The following MROH2B variants were observed in gnomAD, a reference collection of about 807,000 sequenced individuals.
MROH2B encodes the protein maestro heat like repeat family member 2B.
Under a neutral mutation model 208.6 loss-of-function variants are expected in MROH2B, and 177 were observed. That is an observed-to-expected ratio of 0.85 (90% confidence interval 0.75 to 0.96). The LOEUF (loss-of-function observed/expected upper bound fraction) is 0.96, where lower values mean the gene tolerates loss of function less well. Among genes scored for constraint, MROH2B ranks in the 40% least tolerant of loss-of-function variants. MROH2B has a pLI of 0.00. For synonymous variants in MROH2B, 728 were observed against 659.0 expected (o/e 1.10, Z -1.60); for missense variants, 2,002 against 1,878.7 (o/e 1.07, Z -1.21).
At chr5:40,998,996 T>A (rs896113) in intron 40 of MROH2B, among the ~76,000 whole-genome samples, 73,981 of 151,964 alleles carry the variant, frequency 0.49, 18,203 homozygotes, top group South Asian at 0.62. Flanking sequence ...CATAATGTGT[T>A]GGTGGGGGGA....
rs1742039697 is a variant in MROH2B at position 41,018,701 on chromosome 5, T to A, written c.2663A>T (p.Glu888Val). The A allele has an allele frequency of 6.2e-7, 1 of 1,613,790 alleles. No homozygotes were observed. Among genetic ancestry groups the A allele is most frequent in the Admixed American group, 1.7e-5 (1 of 59,964 alleles). ...GGAGGCTCTACTCACATTAAACATTTCTTGACAGTCCTCTGCATTCACATT... is the reference window on the plus strand; with the variant it reads ...GGAGGCTCTACTCACATTAAACATTACTTGACAGTCCTCTGCATTCACATT... ...WDNVNAEDCQ[E>V]MFNLLQMWLV... The change falls in exon 26 of 42, where the codon GAA (glutamate) becomes GTA (valine). Residue 888 changes from glutamate to valine, a missense_variant. Glu to Val is a moderately radical substitution (Grantham distance 121). Transcript: ENST00000399564.
intron 34 of MROH2B, among the ~76,000 whole-genome samples, chr5:41,007,046 G>A (rs1188751697): frequency 6.6e-6 from 1 of 152,158 alleles, no homozygotes; most frequent in African/African-American, 2.4e-5. Flanking sequence ...TTCTAGGTAT[G>A]TGAATATTAA....
chr5:41,047,002 G>T (rs1355726485), intron 17 of MROH2B, among the ~76,000 whole-genome samples: 1 of 152,166 alleles, frequency 6.6e-6, no homozygotes, highest in Non-Finnish European at 1.5e-5. Context: ...AGGGAGTACT[G>T]TGGAGAGATC....
Position 41,064,569 on chromosome 5 carries a change from C to T in MROH2B, c.363G>A (p.Val121=). 7 of 1,610,302 alleles carry T rather than the reference C, an allele frequency of 4.3e-6. No homozygotes were observed. Among genetic ancestry groups the T allele is most frequent in the Non-Finnish European group, 5.9e-6 (7 of 1,177,362 alleles). ...TCATCATGAAAGGAATACTCTGGGA[C>T]ACTGGAGGGAGAGGCAGAAAGGAGA... The part of the protein sequence containing the change: ...LALAELATSY[V]SQSIPFMMMT... Residue 121 remains valine (V), a splice_region_variant and synonymous_variant, in exon 5 of 42, where the codon GTG becomes GTA. Transcript: ENST00000399564.
chr5:41,027,234 C>A lies in MROH2B; in HGVS notation c.2441+5508G>T, dbSNP rs192390034. Among the ~76,000 whole-genome samples the A allele has an allele frequency of 4.9e-4, 75 of 152,248 alleles. 1 individual carries two copies. Among genetic ancestry groups the A allele is most frequent in the South Asian group, 1.5e-3 (7 of 4,824 alleles). ...ACTTCTGCACAGCAAAAGAAACTACCATCAGAGTGAACAGACAACCTACAA... is the reference window on the plus strand; with the variant it reads ...ACTTCTGCACAGCAAAAGAAACTACAATCAGAGTGAACAGACAACCTACAA... On this transcript the variant is annotated intron_variant, in intron 24 of 41. Transcript: ENST00000399564.
chr5:41,066,271 C>T (rs1030016493), intron 3 of MROH2B, among the ~76,000 whole-genome samples: 1 of 152,074 alleles, frequency 6.6e-6, no homozygotes, highest in African/African-American at 2.4e-5. Context: ...GATCAAATCC[C>T]CTCCTGAGGA....
chr5:41,010,111 G>T, intron 30 of MROH2B, 32 bp from the exon 31 acceptor site: 2 of 1,606,376 alleles, frequency 1.2e-6, no homozygotes, highest in Non-Finnish European at 1.7e-6. Context: ...CAAACATTAA[G>T]TTGCCATTTT....
chr5:41,052,119 A>G (rs921009522), intron 12 of MROH2B, among the ~76,000 whole-genome samples: 2 of 152,086 alleles, frequency 1.3e-5, no homozygotes, highest in African/African-American at 4.8e-5. Flanking sequence ...CTCTCCAGAC[A>G]ACCCCAATCC....
chr5:41,049,318 G>A lies in MROH2B; in HGVS notation c.1463C>T (p.Ala488Val). 1 of 1,613,626 alleles carries A rather than the reference G, an allele frequency of 6.2e-7. No individual in the cohort carries two copies. The highest frequency in any genetic ancestry group is 8.5e-7 in the Non-Finnish European group (1 of 1,179,734). ...GACGACAAGTGCTGTCGACTCCTTG[G>A]CACTGTGCTGCTTCTTCTCCTCTGC... ...IMAEEKKQHS[A>V]KESTALVVST... The change falls in exon 14 of 42, where the codon GCC becomes GTC. Residue 488 changes from alanine to valine, a missense_variant. By Grantham distance (64) the Ala-to-Val change is moderately conservative. Coordinates refer to ENST00000399564, the MANE Select transcript of MROH2B (RefSeq NM_173489.5).
intron 11 of MROH2B, among the ~76,000 whole-genome samples, chr5:41,054,319 T>G (rs1190902368): frequency 6.6e-6 from 1 of 152,220 alleles, no homozygotes; most frequent in Non-Finnish European, 1.5e-5. Flanking sequence ...AGCAATCCGC[T>G]ATGTGCATGA....
At chr5:41,013,928 G>C (rs2111848446) in intron 29 of MROH2B, among the ~76,000 whole-genome samples, 1 of 152,240 alleles carries the variant, frequency 6.6e-6, no homozygotes, top group East Asian at 1.9e-4. Context: ...GAGTCTTGCA[G>C]TTTCCTACAA....
In MROH2B at chr5:41,000,756, AATC is replaced by A. The variant is rs1287602506; in HGVS notation, c.4269_4271del (p.Lys1423_Ile1424delinsAsn). On this transcript the variant is annotated inframe_deletion, in exon 38 of 42. Transcript: ENST00000399564. ...TCTTTTTTATTTCTTCAGCAAAAAA[AATC>A]TTCCACCTTCTTCCTGTTAGGGGTG... 1 of 1,611,556 alleles carries A rather than the reference AATC, an allele frequency of 6.2e-7. No homozygotes were observed. Among genetic ancestry groups the A allele is most frequent in the African/African-American group, 1.3e-5 (1 of 74,864 alleles).
Position 40,998,143 on chromosome 5 carries a change from C to A in MROH2B, c.4667G>T (p.Arg1556Leu). The change falls in exon 42 of 42, where the codon CGT becomes CTT. Residue 1556 changes from arginine to leucine, a missense_variant. Arg to Leu is a moderately radical substitution (Grantham distance 102). Coordinates refer to ENST00000399564, the MANE Select transcript of MROH2B (RefSeq NM_173489.5). The part of the protein sequence containing the change: ...EQLTTRLQAL[R>L]QDPCISVQRA... Reference sequence around the variant, plus strand: ...CTGGACACTAATACACGGATCTTGACGAAGTGCTTGGAGTCCTGAAATGGC... The same window carrying A: ...CTGGACACTAATACACGGATCTTGAAGAAGTGCTTGGAGTCCTGAAATGGC... The A allele has an allele frequency of 6.2e-7, 1 of 1,611,342 alleles. No individual in the cohort carries two copies. Among genetic ancestry groups the A allele is most frequent in the Non-Finnish European group, 8.5e-7 (1 of 1,178,034 alleles).
chr5:41,056,503 G>T (rs1363872466), intron 9 of MROH2B, among the ~76,000 whole-genome samples: 1 of 152,098 alleles, frequency 6.6e-6, no homozygotes, highest in African/African-American at 2.4e-5. Flanking sequence ...GGTCCAGGAG[G>T]TATTGGATTG....
chr5:41,067,368 T>C, intron 2 of MROH2B, 150 bp from the exon 3 acceptor site: 1 of 561,600 alleles, frequency 1.8e-6, no homozygotes, highest in Non-Finnish European at 3.1e-6. Context: ...GGCTTTCTTT[T>C]TTTTTTCTAT....
chr5:41,031,449 G>A (rs11950241), intron 24 of MROH2B, among the ~76,000 whole-genome samples: 1 of 152,026 alleles, frequency 6.6e-6, no homozygotes, highest in Non-Finnish European at 1.5e-5. Flanking sequence ...GATTTGGGTG[G>A]GGACCCAAAG....
rs146751063 is a variant in MROH2B, at chr5:41,064,156, C to T, written c.460+316G>A. 3.1e-3 allele frequency among the ~76,000 whole-genome samples: 476 copies of T among 152,252 alleles called. 1 individual carries two copies. The highest frequency in any genetic ancestry group is 0.011 in the African/African-American group (459 of 41,538). The stretch of plus-strand genomic sequence containing the variant: ...GAGGAGTGTAGACTGGGTGTTCCCA[C>T]AGACCTGGGTTTGAATCCCACCTCT... On this transcript the variant is annotated intron_variant, in intron 5 of 41. Coordinates refer to ENST00000399564, the MANE Select transcript of MROH2B (RefSeq NM_173489.5).
intron 13 of MROH2B, 143 bp from the exon 14 acceptor site, chr5:41,049,579 T>A: frequency 1.1e-6 from 1 of 937,864 alleles, no homozygotes; most frequent in Non-Finnish European, 1.6e-6. Context: ...ATGAGATCAT[T>A]AAAGGAAGCC....
chr5:41,027,736 G>T (rs1477617507), intron 24 of MROH2B, among the ~76,000 whole-genome samples: 1 of 152,104 alleles, frequency 6.6e-6, no homozygotes, highest in African/African-American at 2.4e-5. Flanking sequence ...GACACATGCA[G>T]ACGTATGTTT....
Sources: allele counts gnomAD v4.1 joint callset (sites outside exome capture counted in the v4.1 genomes callset), GRCh38; gene constraint gnomAD v4.1.1; transcripts MANE v1.5; gene names NCBI Gene and HGNC (gene_info 2026-07-23, HGNC 2026-07-21).